NECAB1: variants seen among roughly 807,000 people sequenced by gnomAD.
NECAB1 encodes the protein N-terminal EF-hand calcium-binding protein 1.
NECAB1 carries 29 observed loss-of-function variants against 57.5 expected under a neutral mutation model. The ratio of observed to expected loss-of-function variants is 0.50; its 90% CI spans 0.38 to 0.69. The LOEUF is 0.69. NECAB1 is among the 30% of genes least tolerant of loss of function. The pLI, the probability that NECAB1 is intolerant of heterozygous loss-of-function variation, is 0.00. For missense variants in NECAB1, 372 were observed against 413.8 expected (o/e 0.90, Z 0.88); for synonymous variants, 142 against 147.7 (o/e 0.96, Z 0.28).
chr8:90,895,250 T>C (rs1334429728), intron 5 of NECAB1, among the ~76,000 whole-genome samples: 2 of 152,184 alleles, frequency 1.3e-5, no homozygotes, highest in Admixed American at 6.5e-5. Flanking sequence ...ACAGAACATA[T>C]ACTCCTACAA....
intron 5 of NECAB1, among the ~76,000 whole-genome samples, chr8:90,916,531 TA>T (rs1266177188): frequency 3.3e-5 from 5 of 151,416 alleles, no homozygotes; most frequent in African/African-American, 4.8e-5. Flanking sequence ...TTTTCAGCCA[TA>T]AAAAAATTTT....
chr8:90,814,479 T>C (rs1875901), intron 2 of NECAB1, among the ~76,000 whole-genome samples: 60,260 of 151,936 alleles, frequency 0.4, 13,049 homozygotes, highest in East Asian at 0.81. Flanking sequence ...GGTTGAGTAT[T>C]TCCATGAATT....
chr8:90,860,416 A>T (rs1812880199), intron 3 of NECAB1, among the ~76,000 whole-genome samples: 1 of 151,886 alleles, frequency 6.6e-6, no homozygotes, highest in African/African-American at 2.4e-5. Flanking sequence ...CTTATTATCC[A>T]TGTCTTCAAG....
chr8:90,955,599 T>C lies in NECAB1; in HGVS notation c.*87T>C. 1 of 979,762 alleles carries C rather than the reference T, an allele frequency of 1.0e-6. No individual in the cohort carries two copies. Among genetic ancestry groups the C allele is most frequent in the Non-Finnish European group, 1.5e-6 (1 of 661,746 alleles). The allele number at this position is 979,762 out of a possible 1,614,324, so 60.7% of individuals were successfully genotyped here. A position where few individuals can be genotyped will look rare whatever the true frequency, so the allele number is the denominator to read the frequency against. On this transcript the variant is annotated 3_prime_UTR_variant, in exon 13 of 13. Coordinates refer to ENST00000417640, the MANE Select transcript of NECAB1 (RefSeq NM_022351.5). ...CAATTAGAAAATTATCTGCGGTTGT[T>C]AATCTACTGTATATTTTTGTTTGGT... is the stretch of plus-strand genomic sequence containing the variant.
intron 3 of NECAB1, among the ~76,000 whole-genome samples, chr8:90,841,177 G>A (rs1812448507): frequency 1.3e-5 from 2 of 151,694 alleles, no homozygotes; most frequent in Admixed American, 1.3e-4. Context: ...GCAGAATGGT[G>A]TGAACCTGGG....
chr8:90,950,034 T>A (rs974786388), intron 11 of NECAB1, 150 bp downstream of exon 11: 8 of 517,464 alleles, frequency 1.5e-5, no homozygotes, highest in Non-Finnish European at 2.8e-5. Context: ...CTACACACTT[T>A]AAAAAATGTA....
At chr8:90,804,427 T>G (rs563291319) in intron 2 of NECAB1, among the ~76,000 whole-genome samples, 23 of 152,154 alleles carry the variant, frequency 1.5e-4, no homozygotes, top group Admixed American at 5.2e-4. Flanking sequence ...ATAAGTTTAA[T>G]TTATTTTTAG....
chr8:90,955,769 A>G lies in NECAB1; in HGVS notation c.*257A>G, dbSNP rs1811019953. Reference sequence around the variant, plus strand: ...CATTGTAACTCACCTAAAACCTTTTAGTGACAAAATCCTAATATGTGGAAA... The same window carrying G: ...CATTGTAACTCACCTAAAACCTTTTGGTGACAAAATCCTAATATGTGGAAA... On this transcript the variant is annotated 3_prime_UTR_variant, in exon 13 of 13. Transcript: ENST00000417640. The G allele has an allele frequency of 2.6e-6, 1 of 379,542 alleles. No individual in the cohort carries two copies. The highest frequency in any genetic ancestry group is 2.1e-5 in the African/African-American group (1 of 47,590). 23.5% of individuals were successfully genotyped at this position (379,542 alleles called of 1,614,324 possible). A position where few individuals can be genotyped will look rare whatever the true frequency, so the allele number is the denominator to read the frequency against.
chr8:90,958,553 T>C lies in NECAB1; in HGVS notation c.*3041T>C, dbSNP rs1811074832. 1 of 158,828 alleles carries C rather than the reference T, an allele frequency of 6.3e-6. No homozygotes were observed. Among genetic ancestry groups the C allele is most frequent in the South Asian group, 1.8e-4 (1 of 5,422 alleles). The allele number at this position is 158,828 out of a possible 1,614,324, so 9.8% of individuals were successfully genotyped here. A position where few individuals can be genotyped will look rare whatever the true frequency, so the allele number is the denominator to read the frequency against. On this transcript the variant is annotated 3_prime_UTR_variant, in exon 13 of 13. Transcript: ENST00000417640. Reference sequence around the variant, plus strand: ...TAAGCCTCTGGAGAGACTGTAATGATCCATTCATGAGCTGGTATGAAATCA... The same window carrying C: ...TAAGCCTCTGGAGAGACTGTAATGACCCATTCATGAGCTGGTATGAAATCA...
At chr8:90,919,295 T>C (rs900910702) in intron 6 of NECAB1, among the ~76,000 whole-genome samples, 2 of 152,222 alleles carry the variant, frequency 1.3e-5, no homozygotes, top group Non-Finnish European at 2.9e-5. Flanking sequence ...ATGTGCTTTA[T>C]CTAACTTTTA....
chr8:90,875,844 C>CAAAAAAAAAAAAAAAAA (rs5893141), intron 4 of NECAB1, among the ~76,000 whole-genome samples: 68 of 88,370 alleles, frequency 7.7e-4, no homozygotes, highest in East Asian at 3.7e-3. Context: ...ACTAAAAATA[C>CAAAAAAAAAAAAAAAAA]AAAAAAAAAA....
At chr8:90,904,831 C>CA (rs775579611) in intron 5 of NECAB1, among the ~76,000 whole-genome samples, 5 of 151,246 alleles carry the variant, frequency 3.3e-5, no homozygotes, top group South Asian at 2.1e-4. Flanking sequence ...ATATCAGTGC[C>CA]AAAAAAAATA....
chr8:90,875,876 G>A (rs949923285), intron 4 of NECAB1, among the ~76,000 whole-genome samples: 1 of 144,594 alleles, frequency 6.9e-6, no homozygotes, highest in African/African-American at 2.7e-5. Flanking sequence ...CGGGCGTGGT[G>A]GCAGGCGCCT....
At chr8:90,875,612 G>A (rs1236267937) in intron 4 of NECAB1, among the ~76,000 whole-genome samples, 2 of 151,516 alleles carry the variant, frequency 1.3e-5, no homozygotes, top group African/African-American at 2.4e-5. Context: ...TGTGAGGAAG[G>A]TTGAATATAT....
chr8:90,916,206 T>C (rs978337494), intron 5 of NECAB1, among the ~76,000 whole-genome samples: 1 of 152,230 alleles, frequency 6.6e-6, no homozygotes, highest in Non-Finnish European at 1.5e-5. Context: ...AACTTTTTAC[T>C]ATTTCAAATT....
At chr8:90,881,216 A>G in intron 5 of NECAB1, 86 bp downstream of exon 5, 1 of 877,938 alleles carries the variant, frequency 1.1e-6, no homozygotes, top group Non-Finnish European at 1.8e-6. Context: ...TTTCAACTAT[A>G]GATTCTTTAT....
chr8:90,934,278 T>C (rs1468555645), intron 8 of NECAB1, 26 bp from the exon 9 acceptor site: 2 of 1,494,228 alleles, frequency 1.3e-6, no homozygotes, highest in East Asian at 2.5e-5. Context: ...TTTTTTCTTT[T>C]CTGCCATTTC....
intron 2 of NECAB1, among the ~76,000 whole-genome samples, chr8:90,810,985 T>C (rs1811949293): frequency 6.6e-6 from 1 of 151,716 alleles, no homozygotes; most frequent in South Asian, 2.1e-4. Context: ...TCTTGCTCTG[T>C]CTCCCAGGCT....
intron 3 of NECAB1, among the ~76,000 whole-genome samples, chr8:90,830,817 A>C (rs1343082638): frequency 6.6e-6 from 1 of 152,110 alleles, no homozygotes; most frequent in Non-Finnish European, 1.5e-5. Flanking sequence ...GGAACCACAA[A>C]GCTGTGGAGA....
Sources: allele counts gnomAD v4.1 joint callset (sites outside exome capture counted in the v4.1 genomes callset), GRCh38; gene constraint gnomAD v4.1.1; transcripts MANE v1.5; gene names NCBI Gene and HGNC (gene_info 2026-07-23, HGNC 2026-07-21).